FGFR2: variants seen among roughly 807,000 people sequenced by gnomAD.
FGFR2 encodes the protein fibroblast growth factor receptor 2.
In FGFR2, 19 loss-of-function variants were observed where a neutral mutation model predicts 95.9. The ratio of observed to expected loss-of-function variants is 0.20; its 90% CI spans 0.14 to 0.29. The LOEUF (loss-of-function observed/expected upper bound fraction) is 0.29. FGFR2 is among the 10% of genes least tolerant of loss of function. The pLI, the probability that FGFR2 is intolerant of heterozygous loss-of-function variation, is 1.00. For missense variants in FGFR2, 707 were observed against 1,056.9 expected, an observed-to-expected ratio of 0.67 and a Z score of 4.59; for synonymous variants, 392 against 393.3, an observed-to-expected ratio of 1.00 and a Z score of 0.04.
chr10:121,560,527 A>C (rs1589990160), intron 4 of FGFR2, among the ~76,000 whole-genome samples: 2 of 144,720 alleles, frequency 1.4e-5, no homozygotes, highest in South Asian at 2.3e-4. Context: ...AGGCAGGAGA[A>C]TGGCGTGAAC....
At chr10:121,505,255 A>G (rs376654578) in intron 9 of FGFR2, among the ~76,000 whole-genome samples, 8 of 152,320 alleles carry the variant, frequency 5.3e-5, no homozygotes, top group African/African-American at 1.9e-4. Flanking sequence ...ATTCAAGAAG[A>G]TGCCCAAGAA....
At chr10:121,564,672 C>G in intron 3 of FGFR2, 93 bp from the exon 4 acceptor site, 3 of 1,149,936 alleles carry the variant, frequency 2.6e-6, no homozygotes, top group Non-Finnish European at 3.9e-6. Flanking sequence ...ATAGCAAAGT[C>G]AACAACCCAG....
chr10:121,495,857 AGTTTTGG>A (rs1329901898), intron 13 of FGFR2, among the ~76,000 whole-genome samples: 1 of 152,166 alleles, frequency 6.6e-6, no homozygotes, highest in African/African-American at 2.4e-5. Context: ...CTGACAAGGG[AGTTTTGG>A]GTCATCCAAA....
At chr10:121,557,224 A>G (rs1471425029) in intron 4 of FGFR2, among the ~76,000 whole-genome samples, 2 of 152,238 alleles carry the variant, frequency 1.3e-5, no homozygotes, top group Non-Finnish European at 2.9e-5. Flanking sequence ...ATGCTGTTTG[A>G]CCAAGGAGGA....
chr10:121,504,948 T>C (rs1161742663), intron 9 of FGFR2, among the ~76,000 whole-genome samples: 1 of 152,238 alleles, frequency 6.6e-6, no homozygotes, highest in Non-Finnish European at 1.5e-5. Context: ...AACAAGACTT[T>C]GGCCCAAGAG....
chr10:121,543,801 T>G (rs935691483), intron 5 of FGFR2, among the ~76,000 whole-genome samples: 1 of 152,068 alleles, frequency 6.6e-6, no homozygotes, highest in African/African-American at 2.4e-5. Context: ...CAGAAACTCT[T>G]CCCTCTGCTC....
chr10:121,524,922 C>G (rs1009954616), intron 6 of FGFR2, among the ~76,000 whole-genome samples: 2 of 152,210 alleles, frequency 1.3e-5, no homozygotes, highest in African/African-American at 4.8e-5. Flanking sequence ...GATGTATTAT[C>G]TCTGGGCGAG....
At chr10:121,566,197 A>G in intron 2 of FGFR2, among the ~76,000 whole-genome samples, 1 of 152,130 alleles carries the variant, frequency 6.6e-6, no homozygotes, top group Non-Finnish European at 1.5e-5. Flanking sequence ...AAATGTCTCA[A>G]ACTCAAGGAA....
chr10:121,552,430 A>G (rs1440933135), intron 4 of FGFR2, among the ~76,000 whole-genome samples: 1 of 152,230 alleles, frequency 6.6e-6, no homozygotes, highest in African/African-American at 2.4e-5. Context: ...TCAACAAGAA[A>G]GGCACTATCA....
At chr10:121,559,670 G>A (rs1323888978) in intron 4 of FGFR2, among the ~76,000 whole-genome samples, 1 of 152,228 alleles carries the variant, frequency 6.6e-6, no homozygotes, top group Non-Finnish European at 1.5e-5. Flanking sequence ...CATTTCAGGG[G>A]CAGAGTTGCT....
Position 121,519,972 on chromosome 10 carries a change from T to C in FGFR2, c.939+7A>G, listed in dbSNP as rs1473853467. ...TGTGGGTACCTTTAGATTCAGAAAG[T>C]CCTCACCTTGAGAACCTTGAGGTAG... On this transcript the variant is annotated splice_region_variant and intron_variant, in intron 7 of 17. Transcript: ENST00000358487. 5 of 1,614,016 alleles carry C rather than the reference T, an allele frequency of 3.1e-6. No homozygotes were observed. In the African/African-American group the frequency reaches 5.3e-5, roughly 17 times the overall value.
At chr10:121,582,650 G>T (rs372190548) in intron 2 of FGFR2, among the ~76,000 whole-genome samples, 4 of 152,132 alleles carry the variant, frequency 2.6e-5, no homozygotes, top group East Asian at 3.9e-4. Flanking sequence ...GGGCGTGGTG[G>T]TGCACATCTG....
intron 10 of FGFR2, 105 bp from the exon 11 acceptor site, chr10:121,501,052 T>G (rs938296120): frequency 6.6e-7 from 1 of 1,504,704 alleles, no homozygotes; most frequent in Non-Finnish European, 9.1e-7. Flanking sequence ...TACTAAAGCA[T>G]GGAGTGCTTA....
chr10:121,529,776 G>A (rs1373942561), intron 6 of FGFR2, among the ~76,000 whole-genome samples: 1 of 152,220 alleles, frequency 6.6e-6, no homozygotes, highest in East Asian at 1.9e-4. Flanking sequence ...AATGTGACCT[G>A]AGGAACTCCA....
rs533734889 is a variant in FGFR2, at chr10:121,591,011, A to ACACG, written c.109+2697_109+2698insCGTG. On this transcript the variant is annotated intron_variant, in intron 2 of 17. Transcript: ENST00000358487. The stretch of plus-strand genomic sequence containing the variant: ...CGCGCACACACACACACACACGCAC[A>ACACG]CTCTCTCTCTCTCTCTCTCTCTTCC... Among the ~76,000 whole-genome samples the ACACG allele has an allele frequency of 2.5e-4, 36 of 144,434 alleles. No homozygotes were observed. The South Asian group carries it at 2.8e-3, about 11-fold the overall frequency. The allele number at this position is 144,434 out of a possible 152,430, so 94.8% of individuals were successfully genotyped here. A position where few individuals can be genotyped will look rare whatever the true frequency, so the allele number is the denominator to read the frequency against.
chr10:121,554,400 G>A (rs1360604755), intron 4 of FGFR2, among the ~76,000 whole-genome samples: 4 of 150,292 alleles, frequency 2.7e-5, no homozygotes, highest in East Asian at 1.9e-4. Context: ...GTGCAGTGGC[G>A]CGATCTTGGC....
rs1001297582 is a variant in FGFR2 at position 121,538,680 on chromosome 10, A to G, written c.660T>C (p.Ser220=). The G allele has an allele frequency of 1.2e-6, 2 of 1,614,176 alleles. No homozygotes were observed. Among genetic ancestry groups the G allele is most frequent in the South Asian group, 1.1e-5 (1 of 91,080 alleles). Reference sequence around the variant, plus strand: ...AATTTCCCTTGTCAGATGGGACCACACTTTCCATAATGAGGCTCCAGTGCT... The same window carrying G: ...AATTTCCCTTGTCAGATGGGACCACGCTTTCCATAATGAGGCTCCAGTGCT... The part of the protein sequence containing the change: ...RNQHWSLIME[S]VVPSDKGNYT... Residue 220 remains serine, a synonymous_variant, in exon 6 of 18, where the codon AGT becomes AGC. Transcript: ENST00000358487.
intron 5 of FGFR2, among the ~76,000 whole-genome samples, chr10:121,546,185 T>TTAAAAAAAA (rs577456739): frequency 6.6e-5 from 9 of 135,378 alleles, no homozygotes; most frequent in African/African-American, 2.7e-4. Context: ...ACCTCTTTAT[T>TTAAAAAAAA]AAAAAAAAAA....
intron 13 of FGFR2, among the ~76,000 whole-genome samples, chr10:121,496,163 C>T (rs1472295999): frequency 6.6e-6 from 1 of 151,398 alleles, no homozygotes; most frequent in Non-Finnish European, 1.5e-5. Flanking sequence ...AACTCAGTAA[C>T]CACAAAATAA....
Sources: gnomAD v4.1 joint callset for allele counts (sites outside exome capture counted in the v4.1 genomes callset) on GRCh38, gnomAD v4.1.1 for gene constraint, MANE v1.5 for transcripts, NCBI Gene and HGNC (gene_info 2026-07-23, HGNC 2026-07-21) for gene names.